Variants in TRIP12 observed in about 807,000 individuals in gnomAD.
The protein encoded by TRIP12 is thyroid hormone receptor interactor 12, also known as E3 ubiquitin-protein ligase TRIP12.
TRIP12 carries 25 observed loss-of-function variants against 244.2 expected under a neutral mutation model. That is an observed-to-expected ratio of 0.10 (90% confidence interval 0.07 to 0.14). The LOEUF is 0.14. Among genes scored for constraint, TRIP12 ranks in the 10% least tolerant of loss-of-function variants. TRIP12 has a pLI of 1.00. For missense variants in TRIP12, 1,677 were observed against 2,486.4 expected (o/e 0.67, Z 6.92); for synonymous variants, 905 against 873.1 (o/e 1.04, Z -0.64).
intron 25 of TRIP12, 57 bp downstream of exon 25, chr2:229,796,534 T>C (rs961864491): frequency 1.4e-5 from 19 of 1,373,742 alleles, no homozygotes; most frequent in East Asian, 2.5e-5. Flanking sequence ...GATGAAAATA[T>C]ATGCATTAGT....
chr2:229,871,725 A>G (rs1012461905), intron 2 of TRIP12, among the ~76,000 whole-genome samples: 6 of 152,364 alleles, frequency 3.9e-5, no homozygotes, highest in African/African-American at 1.2e-4. Flanking sequence ...GAAGCCTAAT[A>G]TAATTTGAAA....
intron 1 of TRIP12, among the ~76,000 whole-genome samples, chr2:229,887,013 T>C (rs1382000446): frequency 2.6e-5 from 4 of 152,054 alleles, no homozygotes; most frequent in Admixed American, 2.6e-4. Context: ...ACAAAGCTAA[T>C]AGGGGACGGG....
Position 229,829,084 on chromosome 2 carries a change from G to T in TRIP12, c.1450+109C>A. 4.5e-6 allele frequency: 4 copies of T among 886,426 alleles called. 1 individual carries two copies. The highest frequency in any genetic ancestry group is 3.6e-5 in the South Asian group (2 of 55,346). 54.9% of individuals were successfully genotyped at this position (886,426 alleles called of 1,614,324 possible). A position where few individuals can be genotyped will look rare whatever the true frequency, so the allele number is the denominator to read the frequency against. On this transcript the variant is annotated intron_variant, in intron 8 of 41. Coordinates refer to ENST00000675903, the MANE Select transcript of TRIP12 (RefSeq NM_001348323.3). Reference sequence around the variant, plus strand: ...TGTACACAGCCTTATTTTTAAAAATGGGTTAAAGTTGATGAAAAACTTCTT... The same window carrying T: ...TGTACACAGCCTTATTTTTAAAAATTGGTTAAAGTTGATGAAAAACTTCTT...
chr2:229,810,823 A>T (rs767310459), intron 15 of TRIP12, 57 bp downstream of exon 15: 2 of 1,560,390 alleles, frequency 1.3e-6, no homozygotes, highest in East Asian at 2.3e-5. Flanking sequence ...TTGACTTTAC[A>T]TATTAATGAA....
chr2:229,921,671 GTC>G (rs1445554513), intron 1 of TRIP12: 1 of 151,818 alleles, frequency 6.6e-6, no homozygotes, highest in African/African-American at 2.4e-5. Flanking sequence ...GCCCTCGAGC[GTC>G]TCTCCCGTCC....
At chr2:229,773,160 C>A (rs1372463904) in intron 38 of TRIP12, among the ~76,000 whole-genome samples, 1 of 151,768 alleles carries the variant, frequency 6.6e-6, no homozygotes, top group Non-Finnish European at 1.5e-5. Flanking sequence ...ACTGGAACCT[C>A]CACCTCCCTG....
In TRIP12 at chr2:229,825,420, A is replaced by G. The variant is rs373041817; in HGVS notation, c.1450+3773T>C. 3.1e-4 allele frequency among the ~76,000 whole-genome samples: 47 copies of G among 152,344 alleles called. 1 individual carries two copies. Among genetic ancestry groups the G allele is most frequent in the African/African-American group, 1.1e-3 (47 of 41,580 alleles). On this transcript the variant is annotated intron_variant, in intron 8 of 41. Coordinates refer to ENST00000675903, the MANE Select transcript of TRIP12 (RefSeq NM_001348323.3). ...GAACAATTTCAGGTATGGGGAGTGT[A>G]TTAGTCCATTCTCACACTTCTATGA...
At chr2:229,852,387 TAAG>T (rs756598765) in intron 4 of TRIP12, among the ~76,000 whole-genome samples, 33 of 152,164 alleles carry the variant, frequency 2.2e-4, no homozygotes, top group Non-Finnish European at 3.5e-4. Flanking sequence ...TTAGCTTTTA[TAAG>T]AAGGTAGATT....
intron 1 of TRIP12, among the ~76,000 whole-genome samples, chr2:229,891,323 G>A (rs531008694): frequency 1.4e-3 from 208 of 152,296 alleles, no homozygotes; most frequent in Non-Finnish European, 2.4e-3. Flanking sequence ...TACTCAGCAA[G>A]CTGAGGTGGG....
At position 229,847,270 on chromosome 2, in the gene TRIP12, T is replaced by G. The variant is rs374746023; in HGVS notation, c.1028-6343A>C. Among the ~76,000 whole-genome samples, 3 of 152,364 alleles carry G rather than the reference T, an allele frequency of 2.0e-5. No homozygotes were observed. The East Asian group carries it at 5.8e-4, about 29-fold the overall frequency. ...TAATGCACTTTTGTTTCTCCACAACTATTACCTTGCTCTGTCATTCTGAAG... is the reference window on the plus strand; with the variant it reads ...TAATGCACTTTTGTTTCTCCACAACGATTACCTTGCTCTGTCATTCTGAAG... On this transcript the variant is annotated intron_variant, in intron 4 of 41. Coordinates refer to ENST00000675903, the MANE Select transcript of TRIP12 (RefSeq NM_001348323.3).
intron 34 of TRIP12, among the ~76,000 whole-genome samples, chr2:229,785,144 A>G (rs1356075720): frequency 6.6e-6 from 1 of 152,256 alleles, no homozygotes; most frequent in Admixed American, 6.5e-5. Flanking sequence ...CACATGCAAC[A>G]TGGATGAATC....
At chr2:229,774,029 C>A (rs886843641) in intron 38 of TRIP12, 68 bp downstream of exon 38, 4 of 1,527,032 alleles carry the variant, frequency 2.6e-6, no homozygotes, top group Middle Eastern at 1.7e-4. Flanking sequence ...CAGCCAGAAG[C>A]AAGGTACAAT....
intron 2 of TRIP12, among the ~76,000 whole-genome samples, chr2:229,867,091 T>C (rs1483277893): frequency 1.5e-5 from 2 of 134,632 alleles, no homozygotes; most frequent in Non-Finnish European, 3.2e-5. Context: ...CACACACACA[T>C]AGAGGGTTTT....
intron 25 of TRIP12, 23 bp from the exon 26 acceptor site, chr2:229,795,353 A>G: frequency 6.3e-7 from 1 of 1,595,336 alleles, no homozygotes; most frequent in Non-Finnish European, 8.5e-7. Context: ...ATAAACAAAC[A>G]GGTTAAACAA....
chr2:229,877,840 T>G (rs1269347449), intron 2 of TRIP12, among the ~76,000 whole-genome samples: 1 of 152,258 alleles, frequency 6.6e-6, no homozygotes, highest in African/African-American at 2.4e-5. Flanking sequence ...AATTATGTTT[T>G]TCTTTTTAGT....
intron 17 of TRIP12, 96 bp from the exon 18 acceptor site, chr2:229,805,979 T>C (rs1189021321): frequency 9.7e-7 from 1 of 1,032,432 alleles, no homozygotes; most frequent in South Asian, 2.6e-5. Context: ...ATCTTACATA[T>C]TTATTTCAAC....
intron 1 of TRIP12, among the ~76,000 whole-genome samples, chr2:229,897,004 T>A (rs1359586826): frequency 6.6e-6 from 1 of 152,228 alleles, no homozygotes; most frequent in East Asian, 1.9e-4. Context: ...GTTCACTGAC[T>A]GTAACAAATG....
At chr2:229,897,540 C>T (rs1372647197) in intron 1 of TRIP12, among the ~76,000 whole-genome samples, 1 of 152,132 alleles carries the variant, frequency 6.6e-6, no homozygotes, top group African/African-American at 2.4e-5. Context: ...CCCAGTTACA[C>T]CGGAGGCTGA....
chr2:229,779,481 T>C (rs2037381325), intron 34 of TRIP12, among the ~76,000 whole-genome samples: 1 of 152,244 alleles, frequency 6.6e-6, no homozygotes, highest in Non-Finnish European at 1.5e-5. Context: ...AATTTCAGTA[T>C]ATGCTTGCAT....
Sources: allele counts gnomAD v4.1 joint callset (sites outside exome capture counted in the v4.1 genomes callset), GRCh38; gene constraint gnomAD v4.1.1; transcripts MANE v1.5; gene names NCBI Gene and HGNC (gene_info 2026-07-23, HGNC 2026-07-21).